ROBO2: variants seen among roughly 807,000 people sequenced by gnomAD.
The protein encoded by ROBO2 is roundabout guidance receptor 2, also known as roundabout homolog 2.
ROBO2 carries 53 observed loss-of-function variants against 160.8 expected under a neutral mutation model. The ratio of observed to expected loss-of-function variants is 0.33; its 90% confidence interval spans 0.26 to 0.41. ROBO2 has a LOEUF of 0.41. Ranked by LOEUF, ROBO2 falls within the 10% of genes least tolerant of loss-of-function variation. The pLI is 1.00. For synonymous variants in ROBO2, 664 were observed against 611.7 expected, an observed-to-expected ratio of 1.09 and a Z score of -1.26; for missense variants, 1,577 against 1,722.4, an observed-to-expected ratio of 0.92 and a Z score of 1.49.
intron 2 of ROBO2, among the ~76,000 whole-genome samples, chr3:77,435,625 C>G (rs1210425179): frequency 1.3e-5 from 2 of 151,702 alleles, no homozygotes; most frequent in Non-Finnish European, 2.9e-5. Flanking sequence ...CACTATTGAT[C>G]CGCTAAAAAA....
chr3:77,190,836 T>C (rs2081770558), intron 2 of ROBO2, among the ~76,000 whole-genome samples: 1 of 152,004 alleles, frequency 6.6e-6, no homozygotes, highest in African/African-American at 2.4e-5. Context: ...GGTAGTAAAT[T>C]TGTGTTCTTT....
chr3:76,179,212 G>A (rs2107083363), intron 2 of ROBO2, among the ~76,000 whole-genome samples: 1 of 152,166 alleles, frequency 6.6e-6, no homozygotes, highest in African/African-American at 2.4e-5. Context: ...GACAGACACT[G>A]GGGATATAGC....
chr3:76,996,546 A>T (rs142890205), intron 2 of ROBO2, among the ~76,000 whole-genome samples: 12 of 152,260 alleles, frequency 7.9e-5, no homozygotes, highest in Admixed American at 3.9e-4. Context: ...CTTGGACGGT[A>T]TGGCTATTTT....
intron 2 of ROBO2, among the ~76,000 whole-genome samples, chr3:76,609,038 G>T (rs2087875538): frequency 6.6e-6 from 1 of 152,096 alleles, no homozygotes; most frequent in East Asian, 1.9e-4. Flanking sequence ...TCATTTCTTA[G>T]CTATCCGTAA....
At chr3:77,148,258 A>G (rs2077267601) in intron 2 of ROBO2, among the ~76,000 whole-genome samples, 1 of 152,146 alleles carries the variant, frequency 6.6e-6, no homozygotes, top group South Asian at 2.1e-4. Flanking sequence ...TGATTTAACC[A>G]CTGTGTTCAT....
chr3:77,289,422 C>A (rs1412591405), intron 2 of ROBO2, among the ~76,000 whole-genome samples: 3 of 150,758 alleles, frequency 2.0e-5, no homozygotes, highest in Non-Finnish European at 2.9e-5. Flanking sequence ...GACACTGAGG[C>A]TAGATCACCC....
At chr3:77,555,145 A>G (rs1198888184) in intron 8 of ROBO2, among the ~76,000 whole-genome samples, 1 of 152,026 alleles carries the variant, frequency 6.6e-6, no homozygotes, top group Non-Finnish European at 1.5e-5. Context: ...TTTTTTAGCA[A>G]TAAAGTATTT....
At chr3:76,768,519 C>T (rs2061694600) in intron 2 of ROBO2, among the ~76,000 whole-genome samples, 2 of 151,166 alleles carry the variant, frequency 1.3e-5, no homozygotes, top group South Asian at 4.2e-4. Flanking sequence ...AATTTTAGCA[C>T]GTTTTGTTGG....
At chr3:76,562,447 C>A (rs2084244412) in intron 2 of ROBO2, among the ~76,000 whole-genome samples, 1 of 151,428 alleles carries the variant, frequency 6.6e-6, no homozygotes, top group African/African-American at 2.4e-5. Flanking sequence ...TGATCTCTCT[C>A]TCTCTCTCTC....
At chr3:77,398,873 C>T (rs1019952011) in intron 2 of ROBO2, among the ~76,000 whole-genome samples, 1 of 152,122 alleles carries the variant, frequency 6.6e-6, no homozygotes, top group Non-Finnish European at 1.5e-5. Context: ...GCATGAGCTA[C>T]CATGCCTGAC....
chr3:77,364,506 C>T (rs753455547), intron 2 of ROBO2, among the ~76,000 whole-genome samples: 4 of 151,982 alleles, frequency 2.6e-5, no homozygotes, highest in Non-Finnish European at 4.4e-5. Flanking sequence ...TCAACTGTAA[C>T]GGAAAGAGTC....
intron 2 of ROBO2, among the ~76,000 whole-genome samples, chr3:76,746,109 T>G (rs1269834799): frequency 6.6e-6 from 1 of 151,628 alleles, no homozygotes; most frequent in African/African-American, 2.4e-5. Flanking sequence ...TTGCGATAGT[T>G]TACTGAGAAT....
chr3:77,138,302 A>G, intron 2 of ROBO2, among the ~76,000 whole-genome samples: 1 of 152,212 alleles, frequency 6.6e-6, no homozygotes, highest in East Asian at 1.9e-4. Context: ...AATTACTCAT[A>G]TTATCAATGA....
chr3:76,218,023 A>G (rs1575935591), intron 2 of ROBO2, among the ~76,000 whole-genome samples: 1 of 152,312 alleles, frequency 6.6e-6, no homozygotes, highest in East Asian at 1.9e-4. Context: ...CAAATCAATA[A>G]ATGTAATCCA....
At chr3:76,777,097 T>C (rs1333197885) in intron 2 of ROBO2, among the ~76,000 whole-genome samples, 1 of 151,112 alleles carries the variant, frequency 6.6e-6, no homozygotes, top group African/African-American at 2.4e-5. Context: ...TAAAGGAGTC[T>C]GCACTACATC....
rs142949715 is a variant in ROBO2, at chr3:75,919,432, G to A, written c.-14+12472G>A. On this transcript the variant is annotated intron_variant, in intron 1 of 26. Coordinates refer to the ROBO2 transcript ENST00000487694. The stretch of plus-strand genomic sequence containing the variant: ...AGCTTTTTGATGTGCTGCTGGATTC[G>A]CTTGCCAGTATTTTATTCAGGATTT... 3.7e-3 allele frequency among the ~76,000 whole-genome samples: 567 copies of A among 152,162 alleles called. 3 individuals carry two copies. Among genetic ancestry groups the A allele is most frequent in the African/African-American group, 0.013 (543 of 41,502 alleles).
chr3:77,259,032 G>T (rs1293800289), intron 2 of ROBO2, among the ~76,000 whole-genome samples: 1 of 152,104 alleles, frequency 6.6e-6, no homozygotes. Context: ...GTCTTTTCCT[G>T]CACGTCTCCT....
At chr3:76,435,067 G>A in intron 2 of ROBO2, 1 of 1,090,012 alleles carries the variant, frequency 9.2e-7, no homozygotes, top group South Asian at 1.2e-5. Context: ...ATATACAAGT[G>A]TGTCAACATG....
At chr3:76,135,514 C>A (rs1363053098) in intron 2 of ROBO2, among the ~76,000 whole-genome samples, 1 of 152,068 alleles carries the variant, frequency 6.6e-6, no homozygotes, top group African/African-American at 2.4e-5. Flanking sequence ...ATTCCTTAAT[C>A]CACTCAACAT....
Sources: gnomAD v4.1 joint callset for allele counts (sites outside exome capture counted in the v4.1 genomes callset) on GRCh38, gnomAD v4.1.1 for gene constraint, MANE v1.5 for transcripts, NCBI Gene and HGNC (gene_info 2026-07-23, HGNC 2026-07-21) for gene names.